Variants in LRP2 observed in about 807,000 individuals in gnomAD.
LRP2 encodes low-density lipoprotein receptor-related protein 2.
In LRP2, 172 loss-of-function variants were observed where a neutral mutation model predicts 531.0. The observed-to-expected ratio is 0.32, with a 90% CI of 0.29 to 0.37. The LOEUF is 0.37. LRP2 is among the 10% of genes least tolerant of loss of function. The pLI is 1.00. For missense variants in LRP2, 5,167 were observed against 5,868.3 expected (o/e 0.88, Z 3.90); for synonymous variants, 1,992 against 2,027.6 (o/e 0.98, Z 0.47).
At chr2:169,142,996 C>A (rs1335853495) in intron 70 of LRP2, among the ~76,000 whole-genome samples, 1 of 152,168 alleles carries the variant, frequency 6.6e-6, no homozygotes, top group Non-Finnish European at 1.5e-5. Flanking sequence ...CTCTCTGGGC[C>A]CTCCAGCCAA....
At chr2:169,334,197 C>T (rs971734922) in intron 1 of LRP2, among the ~76,000 whole-genome samples, 6 of 152,068 alleles carry the variant, frequency 3.9e-5, no homozygotes, top group African/African-American at 1.4e-4. Context: ...CAGTAAAAAC[C>T]TTTGTCACTA....
intron 12 of LRP2, among the ~76,000 whole-genome samples, chr2:169,278,485 A>G (rs1417119618): frequency 6.7e-6 from 1 of 150,112 alleles, no homozygotes; most frequent in Non-Finnish European, 1.5e-5. Flanking sequence ...ACCTGTCTCA[A>G]AAAAAAAAAA....
chr2:169,129,737 G>A (rs1467435811), intron 77 of LRP2, among the ~76,000 whole-genome samples: 2 of 152,232 alleles, frequency 1.3e-5, no homozygotes, highest in Middle Eastern at 3.4e-3. Context: ...CAGGTAGAAG[G>A]GCAGGTAATG....
intron 17 of LRP2, among the ~76,000 whole-genome samples, chr2:169,258,184 C>T (rs1223709591): frequency 6.6e-6 from 1 of 152,094 alleles, no homozygotes; most frequent in African/African-American, 2.4e-5. Flanking sequence ...TTTTTAGGCA[C>T]ACAGGCATTC....
At chr2:169,220,684 G>A in intron 33 of LRP2, 121 bp from the exon 34 acceptor site, 1 of 700,690 alleles carries the variant, frequency 1.4e-6, no homozygotes. Flanking sequence ...GATGAGAGAG[G>A]ATTTGCATGA....
intron 71 of LRP2, 112 bp from the exon 72 acceptor site, chr2:169,140,657 G>A (rs1197979453): frequency 1.4e-6 from 1 of 725,114 alleles, no homozygotes. Context: ...CAGCCAATTA[G>A]TCTCCCTGTC....
chr2:169,138,316 T>C (rs928688744), intron 75 of LRP2, among the ~76,000 whole-genome samples: 5 of 152,326 alleles, frequency 3.3e-5, no homozygotes, highest in Admixed American at 1.3e-4. Context: ...AGCTCTTCAA[T>C]ATTCAAGTTA....
At chr2:169,157,549 A>G (rs1233337215) in intron 63 of LRP2, 47 bp from the exon 64 acceptor site, 2 of 1,606,454 alleles carry the variant, frequency 1.2e-6, no homozygotes, top group South Asian at 1.1e-5. Context: ...GCCACAAATA[A>G]CAGTCAAGTG....
chr2:169,169,943 C>T, intron 59 of LRP2, 125 bp from the exon 60 acceptor site: 1 of 731,066 alleles, frequency 1.4e-6, no homozygotes, highest in Non-Finnish European at 2.5e-6. Flanking sequence ...CACAGCAAAC[C>T]CACAACTTGT....
rs764344040 is a variant in LRP2, at chr2:169,226,542, T to G, written c.5274A>C (p.Gly1758=). 6.2e-7 allele frequency: 1 copy of G among 1,612,982 alleles called. No homozygotes were observed. Among genetic ancestry groups the G allele is most frequent in the Non-Finnish European group, 8.5e-7 (1 of 1,179,248 alleles). The stretch of plus-strand genomic sequence containing the variant: ...TCTTCACCTCAGGATTAAGGGAGAT[T>G]CCAAAAATTATATGTTGCCTTACAG... ...LITVRQHIIF[G]ISLNPEVKSN... Residue 1758 remains glycine, a synonymous_variant, in exon 32 of 79, where the codon GGA becomes GGC. Coordinates refer to ENST00000649046, the MANE Select transcript of LRP2 (RefSeq NM_004525.3).
At chr2:169,342,394 C>A (rs900139911) in intron 1 of LRP2, among the ~76,000 whole-genome samples, 1 of 152,140 alleles carries the variant, frequency 6.6e-6, no homozygotes, top group Non-Finnish European at 1.5e-5. Flanking sequence ...TCCAAGTGCA[C>A]AAGTCTAGTT....
At chr2:169,223,893 G>A (rs1344687282) in intron 33 of LRP2, among the ~76,000 whole-genome samples, 1 of 152,214 alleles carries the variant, frequency 6.6e-6, no homozygotes, top group African/African-American at 2.4e-5. Context: ...GATTAAATTA[G>A]ATGCTAGTGA....
intron 2 of LRP2, 27 bp downstream of exon 2, chr2:169,320,750 A>G: frequency 6.4e-7 from 1 of 1,574,598 alleles, no homozygotes; most frequent in Non-Finnish European, 8.7e-7. Flanking sequence ...CTCAAAATAG[A>G]ACTTAGCCTG....
chr2:169,188,153 A>G lies in LRP2; in HGVS notation c.9145T>C (p.Phe3049Leu). Residue 3049 changes from phenylalanine (F) to leucine (L), a missense_variant, in exon 49 of 79, where the codon TTC becomes CTC. Physicochemically the swap from Phe to Leu is conservative, Grantham distance 22 (BLOSUM62 0). Transcript: ENST00000649046. ...CQNGRCISKTFVCDEDNDCGD... is the reference protein window; with the variant it reads ...CQNGRCISKTLVCDEDNDCGD... The stretch of plus-strand genomic sequence containing the variant: ...CAGTCATTATCCTCATCACAGACGA[A>G]GGTTTTACTAATGCAGCGCCCGTTC... 1 of 1,614,096 alleles carries G rather than the reference A, an allele frequency of 6.2e-7. No homozygotes were observed. The highest frequency in any genetic ancestry group is 8.5e-7 in the Non-Finnish European group (1 of 1,180,022).
intron 1 of LRP2, among the ~76,000 whole-genome samples, chr2:169,336,401 G>A (rs970365918): frequency 6.6e-6 from 1 of 151,428 alleles, no homozygotes; most frequent in African/African-American, 2.4e-5. Flanking sequence ...TTAGCCAGGC[G>A]CGGTGGCATG....
At position 169,244,839 on chromosome 2, in the gene LRP2, C is replaced by T. The variant is rs770448444; in HGVS notation, c.3284G>A (p.Gly1095Asp). 6 of 1,614,112 alleles carry T rather than the reference C, an allele frequency of 3.7e-6. No individual in the cohort carries two copies. Among genetic ancestry groups the T allele is most frequent in the Admixed American group, 1.7e-5 (1 of 60,010 alleles). Residue 1095 changes from glycine to aspartate, a missense_variant, in exon 22 of 79, where the codon GGC becomes GAC. Gly to Asp is a moderately conservative substitution (Grantham distance 94). Transcript: ENST00000649046. Reference protein sequence around the residue: ...RCDKRNDCVDGSDEHNCPTHA... With the variant: ...RCDKRNDCVDDSDEHNCPTHA... Reference sequence around the variant, plus strand: ...GGTGGGGCAGTTGTGCTCATCACTGCCATCCACACAGTCGTTGCGTTTGTC... The same window carrying T: ...GGTGGGGCAGTTGTGCTCATCACTGTCATCCACACAGTCGTTGCGTTTGTC...
chr2:169,239,882 G>A, intron 25 of LRP2, 107 bp from the exon 26 acceptor site: 1 of 964,752 alleles, frequency 1.0e-6, no homozygotes, highest in African/African-American at 1.6e-5. Flanking sequence ...CCTTCAATAT[G>A]ATGCCCAGAC....
chr2:169,270,400 T>C (rs1224737706), intron 16 of LRP2, among the ~76,000 whole-genome samples: 1 of 152,142 alleles, frequency 6.6e-6, no homozygotes, highest in South Asian at 2.1e-4. Context: ...ATGTGTTACA[T>C]ATGCACCATG....
At chr2:169,276,863 G>A (rs830999) in intron 13 of LRP2, among the ~76,000 whole-genome samples, 113,178 of 151,938 alleles carry the variant, frequency 0.74, 42,261 homozygotes, top group East Asian at 0.92. Flanking sequence ...ACATTAAGTT[G>A]TAGTTAGCTC....
Sources: gnomAD v4.1 joint callset for allele counts (sites outside exome capture counted in the v4.1 genomes callset) on GRCh38, gnomAD v4.1.1 for gene constraint, MANE v1.5 for transcripts, NCBI Gene and HGNC (gene_info 2026-07-23, HGNC 2026-07-21) for gene names.